The following TENM3 variants were observed in gnomAD, a reference collection of about 807,000 sequenced individuals.
TENM3 encodes the protein teneurin transmembrane protein 3.
A neutral mutation model predicts 255.1 loss-of-function variants in TENM3; 63 were observed. The ratio of observed to expected loss-of-function variants is 0.25; its 90% confidence interval spans 0.20 to 0.30. The LOEUF is 0.30. Among genes scored for constraint, TENM3 ranks in the 10% least tolerant of loss-of-function variants. The pLI is 1.00. For missense variants in TENM3, 2,929 were observed against 3,461.1 expected (o/e 0.85, Z 3.86); for synonymous variants, 1,306 against 1,322.3 (o/e 0.99, Z 0.27).
the TENM3 span, among the ~76,000 whole-genome samples, chr4:181,903,687 C>A: frequency 7.9e-5 from 12 of 152,158 alleles, no homozygotes; most frequent in African/African-American, 2.9e-4. Flanking sequence ...CACCTTTGGT[C>A]TAAAAATACA....
the TENM3 span, among the ~76,000 whole-genome samples, chr4:181,988,715 G>C: frequency 6.6e-6 from 1 of 151,886 alleles, no homozygotes; most frequent in African/African-American, 2.4e-5. Context: ...TAAGTAATTT[G>C]CCCAAGGTCA....
chr4:182,779,567 G>C (rs1023586933), intron 24 of TENM3, among the ~76,000 whole-genome samples: 33 of 152,154 alleles, frequency 2.2e-4, no homozygotes, highest in Non-Finnish European at 4.4e-5. Context: ...CCTTTACCCA[G>C]TAATGGGGTA....
chr4:181,484,925 A>T, the TENM3 span, among the ~76,000 whole-genome samples: 1 of 152,168 alleles, frequency 6.6e-6, no homozygotes, highest in African/African-American at 2.4e-5. Context: ...AGTCAATGAG[A>T]TTTCTTCAAG....
intron 1 of TENM3, among the ~76,000 whole-genome samples, chr4:182,199,294 T>G (rs115665911): frequency 0.06 from 9,154 of 152,018 alleles, 378 homozygotes; most frequent in Non-Finnish European, 0.089. Flanking sequence ...TGAAACCCCG[T>G]CTCTACTATC....
chr4:182,786,555 TTA>T (rs142675855), intron 24 of TENM3, among the ~76,000 whole-genome samples: 2,564 of 74,968 alleles, frequency 0.034, 92 homozygotes, highest in African/African-American at 0.19. Context: ...AGACCCCGTC[TTA>T]AAAAAAAAAA....
At chr4:182,463,272 T>TA (rs1314609239) in intron 3 of TENM3, among the ~76,000 whole-genome samples, 2 of 152,198 alleles carry the variant, frequency 1.3e-5, no homozygotes, top group African/African-American at 4.8e-5. Flanking sequence ...AACTCGGTGT[T>TA]ACTCTGTTTG....
At chr4:182,440,948 C>T (rs558187760) in intron 3 of TENM3, among the ~76,000 whole-genome samples, 1 of 152,032 alleles carries the variant, frequency 6.6e-6, no homozygotes, top group Non-Finnish European at 1.5e-5. Flanking sequence ...GCCCAGTTCC[C>T]GATAGTTACC....
At chr4:182,188,997 A>G (rs1753339909) in intron 1 of TENM3, among the ~76,000 whole-genome samples, 1 of 152,138 alleles carries the variant, frequency 6.6e-6, no homozygotes, top group Non-Finnish European at 1.5e-5. Context: ...TTTAATCAAA[A>G]TATTGCGGCC....
chr4:182,402,635 C>T (rs1241367007), intron 3 of TENM3, among the ~76,000 whole-genome samples: 1 of 152,012 alleles, frequency 6.6e-6, no homozygotes, highest in Non-Finnish European at 1.5e-5. Flanking sequence ...GCAGTTGGTT[C>T]GGTTTTCATT....
At position 182,556,065 on chromosome 4, in the gene TENM3, A is replaced by G. The variant is rs144776053; in HGVS notation, c.512-44859A>G. The stretch of plus-strand genomic sequence containing the variant: ...ACTTGAGTCTCATTGTCCCTAGCCC[A>G]TTAGGAACAATAGAAGTTTTACCCC... On this transcript the variant is annotated intron_variant, in intron 3 of 27. Transcript: ENST00000511685. Among the ~76,000 whole-genome samples, 356 of 152,240 alleles carry G rather than the reference A, an allele frequency of 2.3e-3. 1 individual carries two copies. The highest frequency in any genetic ancestry group is 7.8e-3 in the African/African-American group (324 of 41,552).
intron 5 of TENM3, among the ~76,000 whole-genome samples, chr4:182,645,730 A>G (rs1752686720): frequency 6.6e-6 from 1 of 152,184 alleles, no homozygotes; most frequent in African/African-American, 2.4e-5. Context: ...GCTGCCTCAT[A>G]ATATGACAGC....
chr4:182,653,873 CATT>C lies in TENM3; in HGVS notation c.1093_1095del (p.Leu365del), dbSNP rs1246595225. 17 of 1,612,416 alleles carry C rather than the reference CATT, an allele frequency of 1.1e-5. No individual in the cohort carries two copies. The highest frequency in any genetic ancestry group is 1.4e-5 in the Non-Finnish European group (17 of 1,179,174). Reference sequence around the variant, plus strand: ...GATACCATGCCAACAAACACTGTGTCATTACCTTCTGGAGACAATGGTAAGCGA... The same window carrying C: ...GATACCATGCCAACAAACACTGTGTCACCTTCTGGAGACAATGGTAAGCGA... On this transcript the variant is annotated inframe_deletion, in exon 6 of 28. Coordinates refer to ENST00000511685, the MANE Select transcript of TENM3 (RefSeq NM_001080477.4).
At chr4:182,630,001 CCATGGAAGA>C (rs1380286288) in intron 5 of TENM3, among the ~76,000 whole-genome samples, 3 of 152,110 alleles carry the variant, frequency 2.0e-5, no homozygotes, top group Non-Finnish European at 2.9e-5. Context: ...AATTTTTTGA[CCATGGAAGA>C]CATCATTAAT....
intron 3 of TENM3, among the ~76,000 whole-genome samples, chr4:182,435,834 T>C (rs2151219988): frequency 6.6e-6 from 1 of 152,300 alleles, no homozygotes; most frequent in South Asian, 2.1e-4. Context: ...AACTCACAGT[T>C]AGTACATACA....
At chr4:182,354,773 A>G (rs1561356658) in intron 3 of TENM3, among the ~76,000 whole-genome samples, 1 of 152,252 alleles carries the variant, frequency 6.6e-6, no homozygotes, top group African/African-American at 2.4e-5. Context: ...TAAAATGGAT[A>G]GAAATGCGTA....
chr4:182,243,346 C>G (rs931431357), upstream of TENM3: 2 of 152,406 alleles, frequency 1.3e-5, no homozygotes, highest in African/African-American at 4.8e-5. Context: ...ATTTCCTGAC[C>G]TCAAGTGATC....
At chr4:181,650,293 T>C in the TENM3 span, among the ~76,000 whole-genome samples, 2 of 152,180 alleles carry the variant, frequency 1.3e-5, no homozygotes, top group Non-Finnish European at 2.9e-5. Flanking sequence ...CTGTTTCAGA[T>C]TGGGGTGTTC....
At chr4:182,575,606 T>G (rs531049406) in intron 3 of TENM3, among the ~76,000 whole-genome samples, 2 of 152,226 alleles carry the variant, frequency 1.3e-5, no homozygotes, top group Non-Finnish European at 2.9e-5. Flanking sequence ...ATTTATGGTG[T>G]TGTGATTTGC....
chr4:181,793,175 C>A, the TENM3 span, among the ~76,000 whole-genome samples: 64 of 152,320 alleles, frequency 4.2e-4, 1 homozygote, highest in South Asian at 4.1e-4. Flanking sequence ...GCGCTAGACT[C>A]ATTCATGCAT....
Sources: allele counts gnomAD v4.1 joint callset (sites outside exome capture counted in the v4.1 genomes callset), GRCh38; gene constraint gnomAD v4.1.1; transcripts MANE v1.5; gene names NCBI Gene and HGNC (gene_info 2026-07-23, HGNC 2026-07-21).